SPECC1: variants seen among roughly 807,000 people sequenced by gnomAD.
SPECC1 encodes the protein sperm antigen with calponin homology and coiled-coil domains 1.
Under a neutral mutation model 104.1 loss-of-function variants are expected in SPECC1, and 62 were observed. The ratio of observed to expected loss-of-function variants is 0.60; its 90% confidence interval spans 0.49 to 0.74. SPECC1 has a LOEUF of 0.74. Ranked by LOEUF, SPECC1 falls within the 30% of genes least tolerant of loss-of-function variation. The pLI is 0.00. For missense variants in SPECC1, 1,306 were observed against 1,310.5 expected (o/e 1.00, Z 0.05); for synonymous variants, 513 against 501.6 (o/e 1.02, Z -0.30).
At chr17:20,099,364 C>T (rs1048957629) in intron 2 of SPECC1, among the ~76,000 whole-genome samples, 5 of 151,606 alleles carry the variant, frequency 3.3e-5, no homozygotes, top group Non-Finnish European at 7.4e-5. Flanking sequence ...TGCTGGAATA[C>T]GGAAATATTT....
At chr17:20,097,246 C>A (rs868255640) in intron 2 of SPECC1, among the ~76,000 whole-genome samples, 1 of 152,168 alleles carries the variant, frequency 6.6e-6, no homozygotes, top group Non-Finnish European at 1.5e-5. Flanking sequence ...TCCCCCCATC[C>A]CTTTGGTCTC....
chr17:20,268,433 G>T (rs1331277905), intron 12 of SPECC1, among the ~76,000 whole-genome samples: 1 of 152,228 alleles, frequency 6.6e-6, no homozygotes, highest in Non-Finnish European at 1.5e-5. Context: ...TTAGCCAATA[G>T]CAAGCAGCCT....
chr17:20,191,213 A>G (rs950744749), intron 3 of SPECC1, among the ~76,000 whole-genome samples: 1 of 152,120 alleles, frequency 6.6e-6, no homozygotes, highest in Non-Finnish European at 1.5e-5. Context: ...TTGTGTGGAC[A>G]TATGTTTTTG....
At chr17:20,085,233 CAA>C (rs2047131241) in intron 1 of SPECC1, among the ~76,000 whole-genome samples, 1 of 152,146 alleles carries the variant, frequency 6.6e-6, no homozygotes, top group Admixed American at 6.6e-5. Flanking sequence ...TATCCTCCAA[CAA>C]AGAGGAGGTG....
chr17:20,182,119 C>CTTTTTCT (rs1555622299), intron 3 of SPECC1, among the ~76,000 whole-genome samples: 11 of 136,580 alleles, frequency 8.1e-5, no homozygotes, highest in African/African-American at 2.8e-4. Flanking sequence ...CTTTCTTTTT[C>CTTTTTCT]TTTTTTTTTT....
Position 20,094,637 on chromosome 17 carries a change from C to T in SPECC1, c.-21-1994C>T, listed in dbSNP as rs185529046. ...AATGTAGACAGATTGCAAAATCATC[C>T]TATGTTTTCATAAAGTAAGCCCTGT... is the stretch of plus-strand genomic sequence containing the variant. On this transcript the variant is annotated intron_variant, in intron 1 of 14. Coordinates refer to ENST00000395527, the MANE Select transcript of SPECC1 (RefSeq NM_001243439.2). 1.4e-3 allele frequency among the ~76,000 whole-genome samples: 219 copies of T among 151,688 alleles called. 3 individuals carry two copies. The highest frequency in any genetic ancestry group is 0.01 in the Middle Eastern group (3 of 292).
intron 9 of SPECC1, among the ~76,000 whole-genome samples, chr17:20,250,294 T>C (rs944242468): frequency 2.6e-5 from 4 of 152,250 alleles, no homozygotes; most frequent in Non-Finnish European, 5.9e-5. Context: ...TTTCCTAGGA[T>C]ACTTGCAGTG....
At chr17:20,097,619 C>A (rs2047714645) in intron 2 of SPECC1, among the ~76,000 whole-genome samples, 2 of 152,166 alleles carry the variant, frequency 1.3e-5, no homozygotes, top group African/African-American at 4.8e-5. Flanking sequence ...TTTGAAATAG[C>A]AGACACTCTT....
chr17:20,086,689 G>T (rs963381384), intron 1 of SPECC1, among the ~76,000 whole-genome samples: 1 of 152,190 alleles, frequency 6.6e-6, no homozygotes, highest in Non-Finnish European at 1.5e-5. Context: ...AGTGGACGTG[G>T]TGAGGGGCCA....
At chr17:20,149,484 T>A (rs527847162) in intron 3 of SPECC1, among the ~76,000 whole-genome samples, 1 of 152,280 alleles carries the variant, frequency 6.6e-6, no homozygotes, top group East Asian at 1.9e-4. Flanking sequence ...GGATGCTAAG[T>A]CTCTAGTGAA....
chr17:20,311,889 C>T (rs867046717), intron 14 of SPECC1, among the ~76,000 whole-genome samples: 4 of 152,248 alleles, frequency 2.6e-5, no homozygotes, highest in Middle Eastern at 3.4e-3. Context: ...TTGTGTAATG[C>T]TTTTTCTTCA....
In SPECC1 at chr17:20,201,750, G is replaced by T. The variant is rs188576386; in HGVS notation, c.284-2583G>T. On this transcript the variant is annotated intron_variant, in intron 3 of 14. Transcript: ENST00000395527. ...TAATTAAATAAGTCTTTTCCTCGTT[G>T]AGTGTGTAGTATGATGCAGGTTAGG... Among the ~76,000 whole-genome samples, 4 of 152,238 alleles carry T rather than the reference G, an allele frequency of 2.6e-5. No individual in the cohort carries two copies. In the South Asian group the frequency reaches 8.3e-4, roughly 32 times the overall value.
rs569592874 is a variant in SPECC1, at chr17:20,207,861, TTATC to T, written c.1863+1953_1863+1956del. Among the ~76,000 whole-genome samples, 8 of 152,340 alleles carry T rather than the reference TTATC, an allele frequency of 5.3e-5. No individual in the cohort carries two copies. In the East Asian group the frequency reaches 1.5e-3, roughly 29 times the overall value. ...ATTACAAAGAATCAGTTGGATTAGT[TTATC>T]TATTCCACTATTAATCTGTTTCTGA... On this transcript the variant is annotated intron_variant, in intron 4 of 14. Coordinates refer to ENST00000395527, the MANE Select transcript of SPECC1 (RefSeq NM_001243439.2).
Position 20,316,681 on chromosome 17 carries a change from T to G in SPECC1, c.*2616T>G, listed in dbSNP as rs188548144. Reference sequence around the variant, plus strand: ...CACTGAGCCCGGCTGTTTTTTTGTGTTTTTTTTGTTGTTGTTTGTTTGTTT... The same window carrying G: ...CACTGAGCCCGGCTGTTTTTTTGTGGTTTTTTTGTTGTTGTTTGTTTGTTT... On this transcript the variant is annotated 3_prime_UTR_variant, in exon 15 of 15. Transcript: ENST00000395527. The G allele has an allele frequency of 3.2e-4, 51 of 158,916 alleles. No homozygotes were observed. Among genetic ancestry groups the G allele is most frequent in the East Asian group, 2.0e-3 (21 of 10,454 alleles). The allele number at this position is 158,916 out of a possible 1,614,324, so 9.8% of individuals were successfully genotyped here.
intron 4 of SPECC1, among the ~76,000 whole-genome samples, chr17:20,214,691 A>G (rs1394612806): frequency 1.3e-5 from 2 of 152,262 alleles, no homozygotes; most frequent in Middle Eastern, 3.4e-3. Context: ...TATTTTTAGT[A>G]GAGACGGGGT....
At chr17:20,170,487 A>T (rs1178359150) in intron 3 of SPECC1, among the ~76,000 whole-genome samples, 4 of 152,160 alleles carry the variant, frequency 2.6e-5, no homozygotes, top group African/African-American at 9.7e-5. Flanking sequence ...CCACACCACT[A>T]CAAAAGTGAC....
chr17:20,204,707 G>T lies in SPECC1; in HGVS notation c.658G>T (p.Gly220Cys). The T allele has an allele frequency of 6.2e-7, 1 of 1,614,042 alleles. No homozygotes were observed. The highest frequency in any genetic ancestry group is 8.5e-7 in the Non-Finnish European group (1 of 1,179,992). Residue 220 changes from glycine (G) to cysteine (C), a missense_variant, in exon 4 of 15, where the codon GGT (glycine) becomes TGT (cysteine). This residue lies in a region of SPECC1 where 1,177 missense variants were observed against 1,139.9 expected (regional missense o/e 1.03). Coordinates refer to ENST00000395527, the MANE Select transcript of SPECC1 (RefSeq NM_001243439.2). ...TGTCGATGGAACATCAGTCTCCCCA[G>T]GTGACACGGAACCTATGATAAGAGC... ...PNVDGTSVSP[G>C]DTEPMIRALE...
intron 12 of SPECC1, among the ~76,000 whole-genome samples, chr17:20,295,378 G>A (rs1186057179): frequency 2.0e-5 from 3 of 151,924 alleles, no homozygotes; most frequent in Non-Finnish European, 4.4e-5. Context: ...TATAGTATTC[G>A]ATGGTGTACA....
intron 9 of SPECC1, among the ~76,000 whole-genome samples, chr17:20,251,520 A>G (rs2039634245): frequency 6.6e-6 from 1 of 152,184 alleles, no homozygotes; most frequent in Admixed American, 6.5e-5. Context: ...ACTGTATACC[A>G]CGACCATTAT....
Sources: allele counts gnomAD v4.1 joint callset (sites outside exome capture counted in the v4.1 genomes callset), GRCh38; gene constraint gnomAD v4.1.1; regional missense constraint gnomAD v4.1.1; transcripts MANE v1.5; gene names NCBI Gene and HGNC (gene_info 2026-07-23, HGNC 2026-07-21).